The following CSMD3 variants were observed in gnomAD, a reference collection of about 807,000 sequenced individuals.
The protein encoded by CSMD3 is CUB and Sushi multiple domains 3, also known as CUB and sushi domain-containing protein 3.
In CSMD3, 177 loss-of-function variants were observed where a neutral mutation model predicts 435.2. The observed-to-expected ratio is 0.41, with a 90% CI of 0.36 to 0.46. The LOEUF is 0.46. Ranked by LOEUF, CSMD3 falls within the 20% of genes least tolerant of loss-of-function variation. CSMD3 has a pLI of 0.34. For synonymous variants in CSMD3, 1,656 were observed against 1,520.5 expected (o/e 1.09, Z -2.07); for missense variants, 4,265 against 4,504.6 (o/e 0.95, Z 1.52).
intron 3 of CSMD3, among the ~76,000 whole-genome samples, chr8:113,191,652 G>A (rs774787639): frequency 2.6e-5 from 4 of 151,660 alleles, no homozygotes; most frequent in Non-Finnish European, 4.4e-5. Context: ...TCTTTATCCG[G>A]TCTGGTGTTG....
Position 112,556,916 on chromosome 8 carries a change from G to T in CSMD3, c.4081C>A (p.Gln1361Lys), listed in dbSNP as rs768361885. ...TGGTCACTGATCTTGTATCCAAATT[G>T]TGGAATGCCAGGATCTTCACAGTGT... The part of the protein sequence containing the change: ...LSHCEDPGIP[Q>K]FGYKISDQGH... The change falls in exon 25 of 71, where the codon CAA (glutamine) becomes AAA (lysine). Residue 1361 changes from glutamine to lysine, a missense_variant. This residue lies in a region of CSMD3 where 3,255 missense variants were observed against 3,380.2 expected (regional missense o/e 0.96). Transcript: ENST00000297405. 9 of 1,612,140 alleles carry T rather than the reference G, an allele frequency of 5.6e-6. No homozygotes were observed. Among genetic ancestry groups the T allele is most frequent in the Non-Finnish European group, 7.6e-6 (9 of 1,178,864 alleles).
chr8:112,647,541 C>T lies in CSMD3; in HGVS notation c.3194-2316G>A, dbSNP rs2075015934. On this transcript the variant is annotated intron_variant, in intron 19 of 70. Transcript: ENST00000297405. ...CAGGATGGTCTCGATCTCCTGATCT[C>T]ATGATCCTCCCGCCTCTGCCTCCCA... 4.6e-5 allele frequency among the ~76,000 whole-genome samples: 7 copies of T among 152,258 alleles called. No individual in the cohort carries two copies. The South Asian group carries it at 1.4e-3, about 31-fold the overall frequency.
chr8:113,053,550 A>C (rs1214715959), intron 5 of CSMD3, among the ~76,000 whole-genome samples: 1 of 152,068 alleles, frequency 6.6e-6, no homozygotes, highest in African/African-American at 2.4e-5. Flanking sequence ...TTCTAGAAGT[A>C]ATCATTACTA....
At chr8:112,904,295 C>T (rs755002072) in intron 10 of CSMD3, among the ~76,000 whole-genome samples, 3 of 151,392 alleles carry the variant, frequency 2.0e-5, no homozygotes, top group African/African-American at 7.3e-5. Context: ...GTTCTTATCA[C>T]AAAATAATGT....
At chr8:113,027,931 C>T (rs1037753228) in intron 5 of CSMD3, among the ~76,000 whole-genome samples, 5 of 152,090 alleles carry the variant, frequency 3.3e-5, no homozygotes, top group African/African-American at 4.8e-5. Flanking sequence ...GATTCAAATA[C>T]CAAATTTTAA....
intron 13 of CSMD3, among the ~76,000 whole-genome samples, chr8:112,763,325 T>G (rs1011264543): frequency 2.0e-4 from 30 of 151,278 alleles, no homozygotes; most frequent in African/African-American, 7.0e-4. Flanking sequence ...ATTAACAATT[T>G]GGTACAGAGC....
At chr8:113,068,444 T>C (rs999112480) in intron 5 of CSMD3, among the ~76,000 whole-genome samples, 1 of 152,162 alleles carries the variant, frequency 6.6e-6, no homozygotes, top group Non-Finnish European at 1.5e-5. Context: ...CATTTCTCTA[T>C]GATGGGCAGA....
At chr8:113,235,377 T>C (rs184549213) in intron 3 of CSMD3, among the ~76,000 whole-genome samples, 418 of 152,204 alleles carry the variant, frequency 2.7e-3, no homozygotes, top group African/African-American at 9.5e-3. Flanking sequence ...CCAATAGCCA[T>C]AACTTCATCT....
chr8:113,097,738 GT>G (rs1230724431), intron 5 of CSMD3, among the ~76,000 whole-genome samples: 1 of 151,926 alleles, frequency 6.6e-6, no homozygotes, highest in African/African-American at 2.4e-5. Context: ...TATTTACAGG[GT>G]TCTCATTCCA....
chr8:113,393,772 T>C (rs1405581976), intron 1 of CSMD3, among the ~76,000 whole-genome samples: 1 of 152,108 alleles, frequency 6.6e-6, no homozygotes, highest in East Asian at 1.9e-4. Context: ...AAGGAACTCA[T>C]GGTTGGAGAC....
intron 32 of CSMD3, among the ~76,000 whole-genome samples, chr8:112,430,757 T>A (rs1436079856): frequency 6.6e-6 from 1 of 152,086 alleles, no homozygotes; most frequent in Non-Finnish European, 1.5e-5. Context: ...AATACTCAGT[T>A]CACTGGTCTA....
chr8:112,291,464 G>A (rs2130674739), intron 56 of CSMD3, 46 bp downstream of exon 56: 1 of 1,257,608 alleles, frequency 8.0e-7, no homozygotes, highest in Non-Finnish European at 1.2e-6. Context: ...CATTCCTATG[G>A]TTTCCATGAC....
chr8:113,096,691 C>A (rs888791834), intron 5 of CSMD3, among the ~76,000 whole-genome samples: 6 of 152,048 alleles, frequency 3.9e-5, no homozygotes, highest in Non-Finnish European at 8.8e-5. Flanking sequence ...TTCCCTCCTA[C>A]TGCCTTTACC....
intron 10 of CSMD3, among the ~76,000 whole-genome samples, chr8:112,920,408 A>G (rs1454954261): frequency 6.6e-6 from 1 of 151,902 alleles, no homozygotes; most frequent in Non-Finnish European, 1.5e-5. Context: ...TAGATATAAC[A>G]TCATTTAATT....
Position 112,229,665 on chromosome 8 carries a change from G to A in CSMD3, c.10829-774C>T, listed in dbSNP as rs779217460. Among the ~76,000 whole-genome samples, 14 of 152,102 alleles carry A rather than the reference G, an allele frequency of 9.2e-5. 1 individual carries two copies. The highest frequency in any genetic ancestry group is 1.9e-4 in the Non-Finnish European group (13 of 68,026). ...GCTGGTCTTGAACTCCTGAACTCAC[G>A]TGATCCACATGCCTAAGCTTCCCAA... On this transcript the variant is annotated intron_variant, in intron 69 of 70. Transcript: ENST00000297405.
intron 6 of CSMD3, among the ~76,000 whole-genome samples, chr8:112,977,425 A>AG (rs1024827211): frequency 1.3e-5 from 2 of 152,126 alleles, no homozygotes; most frequent in African/African-American, 4.8e-5. Context: ...ATTCTGAAAG[A>AG]GAAAAAAAAG....
chr8:112,516,426 G>A (rs534330840), intron 28 of CSMD3, among the ~76,000 whole-genome samples: 9 of 152,104 alleles, frequency 5.9e-5, no homozygotes, highest in East Asian at 3.9e-4. Flanking sequence ...TTCCAAAAGC[G>A]GGACATTCCT....
chr8:112,236,054 T>C (rs1196127492), intron 67 of CSMD3, among the ~76,000 whole-genome samples: 1 of 151,994 alleles, frequency 6.6e-6, no homozygotes, highest in African/African-American at 2.4e-5. Context: ...AAGGTAATTA[T>C]ATGTATTTTT....
chr8:112,940,038 G>C (rs1587718964), intron 9 of CSMD3, among the ~76,000 whole-genome samples: 1 of 151,878 alleles, frequency 6.6e-6, no homozygotes, highest in Non-Finnish European at 1.5e-5. Flanking sequence ...CGGTCTCTTT[G>C]TAATTACCAA....
Sources: allele counts gnomAD v4.1 joint callset (sites outside exome capture counted in the v4.1 genomes callset), GRCh38; gene constraint gnomAD v4.1.1; regional missense constraint gnomAD v4.1.1; transcripts MANE v1.5; gene names NCBI Gene and HGNC (gene_info 2026-07-23, HGNC 2026-07-21).